Variants in KLF12 observed in about 807,000 individuals in gnomAD.
The protein encoded by KLF12 is KLF transcription factor 12.
In KLF12, 9 loss-of-function variants were observed where a neutral mutation model predicts 37.8. The observed-to-expected ratio is 0.24, with a 90% CI of 0.14 to 0.42. KLF12 has a LOEUF of 0.42. Ranked by LOEUF, KLF12 falls within the 10% of genes least tolerant of loss-of-function variation. KLF12 has a pLI of 1.00. For missense variants in KLF12, 411 were observed against 516.0 expected, an observed-to-expected ratio of 0.80 and a Z score of 1.97; for synonymous variants, 208 against 202.1, an observed-to-expected ratio of 1.03 and a Z score of -0.25.
intron 5 of KLF12, among the ~76,000 whole-genome samples, chr13:73,799,726 A>G (rs1882184993): frequency 1.3e-5 from 2 of 152,204 alleles, no homozygotes; most frequent in African/African-American, 4.8e-5. Flanking sequence ...TCTGATTTGC[A>G]TTTTCCTATT....
chr13:74,233,338 T>C, the KLF12 span, among the ~76,000 whole-genome samples: 1 of 152,112 alleles, frequency 6.6e-6, no homozygotes, highest in Non-Finnish European at 1.5e-5. Flanking sequence ...ACCTGCTCCA[T>C]CCACTATGTG....
At chr13:73,978,992 TG>T (rs113356798) in intron 2 of KLF12, among the ~76,000 whole-genome samples, 6,716 of 152,196 alleles carry the variant, frequency 0.044, 298 homozygotes, top group African/African-American at 0.11. Context: ...AAACAATCAG[TG>T]GTTGCCAAGG....
chr13:73,988,303 G>A (rs1450338352), intron 2 of KLF12, among the ~76,000 whole-genome samples: 1 of 152,196 alleles, frequency 6.6e-6, no homozygotes, highest in African/African-American at 2.4e-5. Context: ...CACTTTAAAT[G>A]TGAAGCCTTC....
At chr13:74,216,507 T>A in the KLF12 span, among the ~76,000 whole-genome samples, 1 of 152,130 alleles carries the variant, frequency 6.6e-6, no homozygotes, top group African/African-American at 2.4e-5. Context: ...GAGTGAGCCT[T>A]GGCCGGTGTC....
intron 1 of KLF12, among the ~76,000 whole-genome samples, chr13:74,117,987 AAAC>A (rs1311210266): frequency 1.3e-5 from 2 of 152,250 alleles, no homozygotes; most frequent in African/African-American, 2.4e-5. Flanking sequence ...AGTGAGATCC[AAAC>A]AACAATAACC....
intron 3 of KLF12, among the ~76,000 whole-genome samples, chr13:73,907,464 T>A (rs867057819): frequency 6.6e-6 from 1 of 152,212 alleles, no homozygotes. Context: ...CTTTCCTTCA[T>A]GTAACTTTCC....
At chr13:74,200,682 C>G in the KLF12 span, among the ~76,000 whole-genome samples, 5,806 of 152,062 alleles carry the variant, frequency 0.038, 269 homozygotes, top group African/African-American at 0.11. Context: ...TAGAGATCAT[C>G]AGGACTGGTT....
chr13:74,098,646 G>A (rs1458963450), intron 1 of KLF12, among the ~76,000 whole-genome samples: 1 of 152,196 alleles, frequency 6.6e-6, no homozygotes, highest in African/African-American at 2.4e-5. Flanking sequence ...TCATAGATGG[G>A]TTTTCCAACA....
chr13:73,797,769 CAAAAAAAAAAA>C (rs34644776), intron 5 of KLF12, among the ~76,000 whole-genome samples: 3 of 71,674 alleles, frequency 4.2e-5, no homozygotes, highest in Admixed American at 1.6e-4. Context: ...GATCCTGTCT[CAAAAAAAAAAA>C]AAAAAAAAAA....
At chr13:73,826,970 TG>T (rs997373589) in intron 4 of KLF12, among the ~76,000 whole-genome samples, 4 of 152,130 alleles carry the variant, frequency 2.6e-5, no homozygotes, top group Non-Finnish European at 5.9e-5. Flanking sequence ...TTTGTACAGA[TG>T]GGTTTCACCA....
intron 6 of KLF12, among the ~76,000 whole-genome samples, chr13:73,741,548 A>T (rs913636689): frequency 6.6e-6 from 1 of 152,182 alleles, no homozygotes; most frequent in African/African-American, 2.4e-5. Context: ...TTCTCTCTGA[A>T]TTCTATAACA....
the KLF12 span, among the ~76,000 whole-genome samples, chr13:74,191,519 T>C: frequency 3.9e-5 from 6 of 152,226 alleles, no homozygotes; most frequent in Non-Finnish European, 8.8e-5. Context: ...GTTCAATGTC[T>C]GCCTCCTAGG....
Position 73,958,171 on chromosome 13 carries a change from T to C in KLF12, c.34-14101A>G, listed in dbSNP as rs545407936. 2.6e-5 allele frequency among the ~76,000 whole-genome samples: 4 copies of C among 152,350 alleles called. No homozygotes were observed. The South Asian group carries it at 8.3e-4, about 32-fold the overall frequency. ...AAGACTTAGTATAAAAAATAGAATT[T>C]AGCATGTCTCATAATTTTTGAATTA... On this transcript the variant is annotated intron_variant, in intron 2 of 7. Coordinates refer to ENST00000377669, the MANE Select transcript of KLF12 (RefSeq NM_007249.5).
intron 1 of KLF12, among the ~76,000 whole-genome samples, chr13:74,039,276 T>C (rs1159959271): frequency 6.6e-6 from 1 of 152,188 alleles, no homozygotes; most frequent in South Asian, 2.1e-4. Flanking sequence ...CAGTGGCTCT[T>C]ACCTGTAATC....
chr13:73,978,886 A>G (rs1475242604), intron 2 of KLF12, among the ~76,000 whole-genome samples: 1 of 152,202 alleles, frequency 6.6e-6, no homozygotes, highest in Non-Finnish European at 1.5e-5. Context: ...ACTTACATAC[A>G]TATTGCTAAG....
chr13:74,149,742 C>T, the KLF12 span, among the ~76,000 whole-genome samples: 1 of 152,212 alleles, frequency 6.6e-6, no homozygotes, highest in Non-Finnish European at 1.5e-5. Context: ...CCTTGTAAGA[C>T]TTCTAAGGTA....
At chr13:74,203,396 A>G in the KLF12 span, among the ~76,000 whole-genome samples, 2 of 152,116 alleles carry the variant, frequency 1.3e-5, no homozygotes, top group East Asian at 1.9e-4. Flanking sequence ...GAGATATTTC[A>G]TCTCATCAGA....
chr13:73,862,531 G>A (rs1451623866), intron 3 of KLF12, among the ~76,000 whole-genome samples: 1 of 152,078 alleles, frequency 6.6e-6, no homozygotes, highest in Non-Finnish European at 1.5e-5. Context: ...AGCAGATCAG[G>A]AAAGACTGAA....
At chr13:73,794,063 G>A (rs1881830273) in intron 5 of KLF12, among the ~76,000 whole-genome samples, 1 of 152,200 alleles carries the variant, frequency 6.6e-6, no homozygotes, top group African/African-American at 2.4e-5. Flanking sequence ...CCACAAAGGT[G>A]AGGCAACACT....
Sources: gnomAD v4.1 joint callset for allele counts (sites outside exome capture counted in the v4.1 genomes callset) on GRCh38, gnomAD v4.1.1 for gene constraint, MANE v1.5 for transcripts, NCBI Gene and HGNC (gene_info 2026-07-23, HGNC 2026-07-21) for gene names.